MYO1D: variants seen among roughly 807,000 people sequenced by gnomAD.
The protein encoded by MYO1D is unconventional myosin-Id.
MYO1D carries 83 observed loss-of-function variants against 122.0 expected under a neutral mutation model. The observed-to-expected ratio is 0.68, with a 90% CI of 0.57 to 0.82. The LOEUF is 0.82. Among genes scored for constraint, MYO1D ranks in the 40% least tolerant of loss-of-function variants. The probability of loss-of-function intolerance (pLI) is 0.00; values close to 1 mark genes in which losing one functional copy is unlikely to be tolerated. For synonymous variants in MYO1D, 464 were observed against 446.9 expected (o/e 1.04, Z -0.48); for missense variants, 1,157 against 1,269.5 (o/e 0.91, Z 1.35).
intron 16 of MYO1D, among the ~76,000 whole-genome samples, chr17:32,665,070 C>G (rs1247430348): frequency 1.3e-5 from 2 of 152,206 alleles, no homozygotes; most frequent in Non-Finnish European, 2.9e-5. Flanking sequence ...GTTGCTCCCT[C>G]TGCCTGGAAT....
At chr17:32,683,964 A>T (rs1302320938) in intron 16 of MYO1D, among the ~76,000 whole-genome samples, 1 of 152,152 alleles carries the variant, frequency 6.6e-6, no homozygotes, top group Non-Finnish European at 1.5e-5. Context: ...CCGTTTTTTA[A>T]GCCGGCCTGA....
chr17:32,610,610 T>C (rs1038778075), intron 20 of MYO1D, among the ~76,000 whole-genome samples: 4 of 152,138 alleles, frequency 2.6e-5, no homozygotes, highest in African/African-American at 9.7e-5. Flanking sequence ...TAACATCAGG[T>C]GCCTTGTCTA....
chr17:32,633,527 G>A (rs1243082211), intron 20 of MYO1D, among the ~76,000 whole-genome samples: 1 of 151,824 alleles, frequency 6.6e-6, no homozygotes, highest in South Asian at 2.1e-4. Flanking sequence ...TAGATAGCTT[G>A]CTTTCTTCTT....
intron 1 of MYO1D, among the ~76,000 whole-genome samples, chr17:32,857,736 T>C (rs1459079997): frequency 1.3e-5 from 2 of 152,224 alleles, no homozygotes; most frequent in African/African-American, 4.8e-5. Context: ...CTTATTCACA[T>C]TCCAGCATTC....
intron 20 of MYO1D, among the ~76,000 whole-genome samples, chr17:32,635,625 G>A (rs1024343574): frequency 2.0e-5 from 3 of 152,046 alleles, no homozygotes; most frequent in Non-Finnish European, 2.9e-5. Context: ...CCTAGGAGGC[G>A]GAGGTTGCAG....
chr17:32,537,164 A>T (rs1910688218), intron 21 of MYO1D, among the ~76,000 whole-genome samples: 1 of 152,198 alleles, frequency 6.6e-6, no homozygotes, highest in African/African-American at 2.4e-5. Context: ...CGTGTGGCCC[A>T]TGTTACAGTC....
At chr17:32,794,072 T>C (rs2090388098) in intron 1 of MYO1D, 1 of 152,178 alleles carries the variant, frequency 6.6e-6, no homozygotes, top group Admixed American at 6.5e-5. Context: ...ACAGTGAGGG[T>C]TACTTCTGCT....
At chr17:32,574,443 AG>A (rs1261777847) in intron 21 of MYO1D, among the ~76,000 whole-genome samples, 1 of 152,148 alleles carries the variant, frequency 6.6e-6, no homozygotes, top group Admixed American at 6.5e-5. Flanking sequence ...AAATGTAAAT[AG>A]CGTCTCCACA....
intron 21 of MYO1D, chr17:32,594,140 A>G (rs8073362): frequency 0.034 from 5,375 of 155,828 alleles, 313 homozygotes; most frequent in African/African-American, 0.12. Flanking sequence ...CATCATGATA[A>G]CAAAGTAGGC....
chr17:32,642,712 T>C (rs920991324), intron 19 of MYO1D, among the ~76,000 whole-genome samples: 3 of 152,226 alleles, frequency 2.0e-5, no homozygotes, highest in East Asian at 1.9e-4. Flanking sequence ...AGTTCACTCA[T>C]GATTTGGCTC....
intron 16 of MYO1D, among the ~76,000 whole-genome samples, chr17:32,665,306 T>A (rs950449894): frequency 6.6e-6 from 1 of 151,124 alleles, no homozygotes; most frequent in Non-Finnish European, 1.5e-5. Flanking sequence ...GTAACTTACA[T>A]ATTATGGTGT....
chr17:32,646,051 T>C (rs575480950), intron 19 of MYO1D, among the ~76,000 whole-genome samples: 1 of 152,302 alleles, frequency 6.6e-6, no homozygotes, highest in East Asian at 1.9e-4. Context: ...CCTTTGGTCT[T>C]TGATGATGGT....
intron 15 of MYO1D, 105 bp from the exon 16 acceptor site, chr17:32,712,300 GC>G: frequency 5.1e-6 from 5 of 984,654 alleles, no homozygotes; most frequent in Non-Finnish European, 7.6e-6. Context: ...CCAAATCTTA[GC>G]AAACTATCAA....
chr17:32,585,486 T>G (rs945101360), intron 21 of MYO1D, among the ~76,000 whole-genome samples: 1 of 152,144 alleles, frequency 6.6e-6, no homozygotes, highest in Non-Finnish European at 1.5e-5. Context: ...TCCGAGCACT[T>G]TGACAGGCCG....
chr17:32,848,183 CAT>C (rs2090954706), intron 1 of MYO1D, among the ~76,000 whole-genome samples: 1 of 152,188 alleles, frequency 6.6e-6, no homozygotes, highest in South Asian at 2.1e-4. Flanking sequence ...TGCTATAAAA[CAT>C]ATGATTAGGG....
At chr17:32,512,303 T>TAAA (rs370039550) in intron 21 of MYO1D, among the ~76,000 whole-genome samples, 1 of 118,496 alleles carries the variant, frequency 8.4e-6, no homozygotes, top group African/African-American at 3.0e-5. Context: ...TCTTATCTCA[T>TAAA]AAAAAAAAAA....
At chr17:32,789,231 C>T (rs1334342791) in intron 1 of MYO1D, among the ~76,000 whole-genome samples, 3 of 152,154 alleles carry the variant, frequency 2.0e-5, no homozygotes, top group Non-Finnish European at 4.4e-5. Flanking sequence ...GTTCAACTTC[C>T]TCTTTTCCAA....
chr17:32,495,016 C>G (rs9889257), intron 21 of MYO1D, 101 bp from the exon 22 acceptor site: 240,297 of 1,369,820 alleles, frequency 0.18, 22,805 homozygotes, highest in Middle Eastern at 0.32. Flanking sequence ...GCGCAGCCTG[C>G]TTCCTCCACA....
chr17:32,536,155 C>T (rs1024423394), intron 21 of MYO1D, among the ~76,000 whole-genome samples: 8 of 152,132 alleles, frequency 5.3e-5, no homozygotes, highest in African/African-American at 1.9e-4. Flanking sequence ...GCCTCAGCCT[C>T]CCGGAGTAGC....
Sources: allele counts gnomAD v4.1 joint callset (sites outside exome capture counted in the v4.1 genomes callset), GRCh38; gene constraint gnomAD v4.1.1; transcripts MANE v1.5; gene names NCBI Gene and HGNC (gene_info 2026-07-23, HGNC 2026-07-21).